The following ACOT11 variants were observed in gnomAD, a reference collection of about 807,000 sequenced individuals.
The protein encoded by ACOT11 is acyl-CoA thioesterase 11.
ACOT11 carries 69 observed loss-of-function variants against 77.5 expected under a neutral mutation model. The ratio of observed to expected loss-of-function variants is 0.89; its 90% CI spans 0.73 to 1.09. ACOT11 has a LOEUF of 1.09. Among genes scored for constraint, ACOT11 ranks in the 50% least tolerant of loss-of-function variants. The probability of loss-of-function intolerance (pLI) is 0.00; values close to 1 mark genes in which losing one functional copy is unlikely to be tolerated. For missense variants in ACOT11, 766 were observed against 813.7 expected (o/e 0.94, Z 0.71); for synonymous variants, 279 against 313.0 (o/e 0.89, Z 1.15).
rs144116227 is a variant in ACOT11, at chr1:54,584,949, A to G, written c.241+87A>G. On this transcript the variant is annotated intron_variant, in intron 2 of 15. Transcript: ENST00000343744. The surrounding 1 kb of genome is among the most constrained non-coding windows in gnomAD (Gnocchi z 6.3). ...TTCAGAGATGGTCACCGTCCACCCT[A>G]AGTGCCACACTTGTTTCTCATCTTG... is the stretch of plus-strand genomic sequence containing the variant. The G allele has an allele frequency of 1.5e-6, 2 of 1,363,838 alleles. No individual in the cohort carries two copies. The highest frequency in any genetic ancestry group is 2.1e-5 in the Admixed American group (1 of 47,214). The allele number at this position is 1,363,838 out of a possible 1,614,324, so 84.5% of individuals were successfully genotyped here. A position where few individuals can be genotyped will look rare whatever the true frequency, so the allele number is the denominator to read the frequency against.
intron 15 of ACOT11, chr1:54,616,321 C>T: frequency 2.7e-6 from 2 of 742,954 alleles, no homozygotes; most frequent in East Asian, 2.7e-5. Context: ...ATCATAGTTT[C>T]ACATTTCGAT....
chr1:54,630,441 C>T (rs1424070671), intron 15 of ACOT11, among the ~76,000 whole-genome samples: 15 of 152,310 alleles, frequency 9.8e-5, no homozygotes, highest in South Asian at 2.1e-4. Flanking sequence ...ACACCTGGCC[C>T]GCCCAGGGTG....
At chr1:54,548,677 T>C in intron 1 of ACOT11, 1 of 386,896 alleles carries the variant, frequency 2.6e-6, no homozygotes, top group Non-Finnish European at 4.7e-6. Flanking sequence ...ATGTCTGAGC[T>C]CCATGGCCTT....
intron 3 of ACOT11, among the ~76,000 whole-genome samples, chr1:54,590,335 G>T (rs1247725711): frequency 1.3e-5 from 2 of 151,974 alleles, no homozygotes; most frequent in African/African-American, 4.8e-5. Flanking sequence ...TTCATGGGGG[G>T]TCGCTTGTCT....
chr1:54,608,747 G>T (rs371558013), intron 15 of ACOT11, among the ~76,000 whole-genome samples: 1 of 152,092 alleles, frequency 6.6e-6, no homozygotes, highest in African/African-American at 2.4e-5. Flanking sequence ...GGTTGTCAGT[G>T]CCCGAGGAAG....
At position 54,609,791 on chromosome 1, in the gene ACOT11, TG is replaced by T; in HGVS notation, c.*681del. 1 of 1,614,140 alleles carries T rather than the reference TG, an allele frequency of 6.2e-7. No homozygotes were observed. The highest frequency in any genetic ancestry group is 1.1e-5 in the South Asian group (1 of 91,088). ...GGCTGCGGGCTCCGCTATTTGCAAATGGATGCCCCAGTGTCCGGGATGTGTG... is the reference window on the plus strand; with the variant it reads ...GGCTGCGGGCTCCGCTATTTGCAAATGATGCCCCAGTGTCCGGGATGTGTG... On this transcript the variant is annotated 3_prime_UTR_variant, in exon 16 of 16. Transcript: ENST00000343744.
chr1:54,563,661 G>C (rs1170018342), intron 1 of ACOT11, among the ~76,000 whole-genome samples: 1 of 152,160 alleles, frequency 6.6e-6, no homozygotes, highest in East Asian at 1.9e-4. Flanking sequence ...AGTGGCTCAT[G>C]CCTGTAGTCC....
intron 6 of ACOT11, among the ~76,000 whole-genome samples, chr1:54,596,409 A>C (rs1339871509): frequency 1.3e-5 from 2 of 152,240 alleles, no homozygotes; most frequent in Admixed American, 6.5e-5. Context: ...TTGGTGGGGC[A>C]TGCCAGCATC....
chr1:54,625,807 C>T lies in ACOT11; in HGVS notation c.1630-4927C>T, dbSNP rs527490927. Among the ~76,000 whole-genome samples the T allele has an allele frequency of 5.8e-4, 88 of 151,666 alleles. 1 individual carries two copies. The South Asian group carries it at 0.016, about 28-fold the overall frequency. ...TACAAAAATTAGCTGGGCATAGTGGCGCGTGTTTGTAATCCCAGCTACTCG... is the reference window on the plus strand; with the variant it reads ...TACAAAAATTAGCTGGGCATAGTGGTGCGTGTTTGTAATCCCAGCTACTCG... On this transcript the variant is annotated intron_variant, in intron 15 of 16. Coordinates refer to the ACOT11 transcript ENST00000371316.
intron 1 of ACOT11, among the ~76,000 whole-genome samples, chr1:54,567,275 T>A (rs1653766409): frequency 7.3e-6 from 1 of 137,270 alleles, no homozygotes; most frequent in South Asian, 2.3e-4. Context: ...TTATTTTGAC[T>A]TTTTTCCTTT....
intron 8 of ACOT11, among the ~76,000 whole-genome samples, chr1:54,600,843 C>T (rs1643952705): frequency 6.6e-6 from 1 of 152,196 alleles, no homozygotes; most frequent in African/African-American, 2.4e-5. Flanking sequence ...GTCCTTACAT[C>T]CCTTTGCAGT....
chr1:54,616,166 A>T, intron 15 of ACOT11: 2 of 1,613,538 alleles, frequency 1.2e-6, no homozygotes, highest in Non-Finnish European at 1.7e-6. Flanking sequence ...CAGGACTGTG[A>T]TGTTGCCTGT....
intron 1 of ACOT11, among the ~76,000 whole-genome samples, chr1:54,550,276 T>C (rs1653017364): frequency 1.3e-5 from 2 of 152,138 alleles, no homozygotes; most frequent in African/African-American, 4.8e-5. Flanking sequence ...GCACTACCTT[T>C]GTTGAGTCTG....
rs535900614 is a variant in ACOT11, at chr1:54,621,279, A to G, written c.1630-9455A>G. Among the ~76,000 whole-genome samples, 382 of 152,192 alleles carry G rather than the reference A, an allele frequency of 2.5e-3. 3 individuals carry two copies. Among genetic ancestry groups the G allele is most frequent in the African/African-American group, 8.8e-3 (364 of 41,542 alleles). On this transcript the variant is annotated intron_variant, in intron 15 of 16. Transcript: ENST00000371316. ...CACGATCAGCCTGGCCAACATGGTG[A>G]AACCCCATCTCTACTAAAAATAGAA...
chr1:54,583,183 G>A (rs1654379974), intron 1 of ACOT11, among the ~76,000 whole-genome samples: 1 of 152,124 alleles, frequency 6.6e-6, no homozygotes, highest in Non-Finnish European at 1.5e-5. Context: ...CACCCTGGCT[G>A]AGAGCTCCTG....
At chr1:54,611,315 G>A (rs1041608239), downstream of ACOT11, among the ~76,000 whole-genome samples, 16 of 152,046 alleles carry the variant, frequency 1.1e-4, no homozygotes, top group Admixed American at 9.2e-4. Context: ...CAGGAGAATC[G>A]CTTGAACCCA....
intron 1 of ACOT11, among the ~76,000 whole-genome samples, chr1:54,562,895 C>T (rs1396419490): frequency 8.7e-5 from 12 of 138,346 alleles, no homozygotes; most frequent in African/African-American, 2.8e-4. Context: ...GGATGGCGGC[C>T]GGGCGGAGAC....
In ACOT11 at chr1:54,603,692, G is replaced by A. The variant is rs561940713; in HGVS notation, c.1086-179G>A. On this transcript the variant is annotated intron_variant, in intron 10 of 15. Coordinates refer to ENST00000343744, the MANE Select transcript of ACOT11 (RefSeq NM_147161.4). The stretch of plus-strand genomic sequence containing the variant: ...CTGAGCTTTCCCTGGTGTAGGGGCC[G>A]AGCTGGTGTGCCCTCAGCTGCTGTG... 5.3e-5 allele frequency among the ~76,000 whole-genome samples: 8 copies of A among 152,214 alleles called. 1 individual carries two copies. The South Asian group carries it at 1.2e-3, about 24-fold the overall frequency.
chr1:54,610,525 G>A (rs143721655), downstream of ACOT11: 209 of 1,613,182 alleles, frequency 1.3e-4, 1 homozygote, highest in Non-Finnish European at 1.5e-4. Flanking sequence ...GCTGCCTCCC[G>A]TGTAGTACAT....
Sources: allele counts gnomAD v4.1 joint callset (sites outside exome capture counted in the v4.1 genomes callset), GRCh38; gene constraint gnomAD v4.1.1; non-coding constraint Gnocchi (gnomAD v3.1); transcripts MANE v1.5; gene names NCBI Gene and HGNC (gene_info 2026-07-23, HGNC 2026-07-21).